The following RBFOX2 variants were observed in gnomAD, a reference collection of about 807,000 sequenced individuals.
RBFOX2 encodes RNA binding protein fox-1 homolog 2.
RBFOX2 carries 10 observed loss-of-function variants against 49.1 expected under a neutral mutation model. The observed-to-expected ratio is 0.20, with a 90% CI of 0.13 to 0.35. The LOEUF is 0.35. Ranked by LOEUF, RBFOX2 falls within the 10% of genes least tolerant of loss-of-function variation. The probability of loss-of-function intolerance (pLI) is 1.00; values close to 1 mark genes in which losing one functional copy is unlikely to be tolerated. For synonymous variants in RBFOX2, 183 were observed against 187.4 expected, an observed-to-expected ratio of 0.98 and a Z score of 0.19; for missense variants, 323 against 486.9, an observed-to-expected ratio of 0.66 and a Z score of 3.17.
At chr22:35,846,028 C>T (rs993505814) in intron 1 of RBFOX2, among the ~76,000 whole-genome samples, 7 of 150,506 alleles carry the variant, frequency 4.7e-5, no homozygotes, top group Non-Finnish European at 8.9e-5. Context: ...ATTATATAAA[C>T]TATATAAGTA....
At chr22:36,004,631 A>G (rs1373274150) in intron 1 of RBFOX2, among the ~76,000 whole-genome samples, 1 of 152,140 alleles carries the variant, frequency 6.6e-6, no homozygotes, top group Admixed American at 6.6e-5. Context: ...CCCCATCTCT[A>G]CTAAAAACAT....
intron 1 of RBFOX2, among the ~76,000 whole-genome samples, chr22:35,900,566 G>A (rs1201196655): frequency 2.0e-5 from 3 of 149,538 alleles, no homozygotes; most frequent in Non-Finnish European, 4.4e-5. Context: ...GAAATGAGAT[G>A]TATGAGTATT....
intron 1 of RBFOX2, among the ~76,000 whole-genome samples, chr22:36,020,426 C>A (rs2059199546): frequency 6.6e-6 from 1 of 152,140 alleles, no homozygotes; most frequent in African/African-American, 2.4e-5. Context: ...AGAGCTTCTG[C>A]ACAGCAAAAG....
At chr22:35,764,445 G>A (rs1334879854) in intron 6 of RBFOX2, among the ~76,000 whole-genome samples, 5 of 151,990 alleles carry the variant, frequency 3.3e-5, no homozygotes, top group African/African-American at 9.7e-5. Flanking sequence ...TTAGCCAGGT[G>A]TGGTGGCGGG....
rs781493435 is a variant in RBFOX2, at chr22:35,872,312, G to C, written c.-33-62308C>G. 1.1e-3 allele frequency among the ~76,000 whole-genome samples: 162 copies of C among 152,184 alleles called. 3 individuals are homozygous for C. The highest frequency in any genetic ancestry group is 1.8e-4 in the Non-Finnish European group (12 of 68,046). ...ACCCCATGACAGTGTCTAGGGGTGAGAGTTTACAGCTCCTGAAGCCCCAGT... is the reference window on the plus strand; with the variant it reads ...ACCCCATGACAGTGTCTAGGGGTGACAGTTTACAGCTCCTGAAGCCCCAGT... On this transcript the variant is annotated intron_variant, in intron 1 of 13. Transcript: ENST00000359369.
chr22:35,912,802 G>T (rs1408321334), intron 1 of RBFOX2, among the ~76,000 whole-genome samples: 1 of 152,168 alleles, frequency 6.6e-6, no homozygotes, highest in Non-Finnish European at 1.5e-5. Context: ...CCCAGAGGCA[G>T]CATGGCATTG....
At chr22:35,834,695 C>T (rs527593452) in intron 1 of RBFOX2, among the ~76,000 whole-genome samples, 1 of 152,062 alleles carries the variant, frequency 6.6e-6, no homozygotes, top group South Asian at 2.1e-4. Context: ...GGGTCCTGAG[C>T]AGGAGGGTCT....
intron 1 of RBFOX2, among the ~76,000 whole-genome samples, chr22:35,874,549 G>C (rs561189974): frequency 2.0e-5 from 3 of 152,132 alleles, no homozygotes; most frequent in African/African-American, 7.2e-5. Context: ...ATCTTAGGGA[G>C]GGAAGAAAAT....
chr22:35,985,650 C>G (rs2057674760), intron 1 of RBFOX2, among the ~76,000 whole-genome samples: 1 of 152,206 alleles, frequency 6.6e-6, no homozygotes, highest in Admixed American at 6.5e-5. Flanking sequence ...TTTGCAACCT[C>G]TTGACTAGAT....
intron 1 of RBFOX2, among the ~76,000 whole-genome samples, chr22:35,881,691 T>C (rs1306018050): frequency 6.6e-6 from 1 of 152,126 alleles, no homozygotes; most frequent in East Asian, 1.9e-4. Context: ...CCGGGCACAG[T>C]GGCTCACACC....
intron 1 of RBFOX2, among the ~76,000 whole-genome samples, chr22:36,000,703 T>G (rs1430089905): frequency 1.3e-5 from 2 of 152,140 alleles, no homozygotes; most frequent in East Asian, 3.9e-4. Context: ...GTTCTCAGTA[T>G]CTACCTCCCA....
chr22:35,924,207 CGT>C (rs2051356774), intron 1 of RBFOX2, among the ~76,000 whole-genome samples: 3 of 152,252 alleles, frequency 2.0e-5, no homozygotes, highest in Admixed American at 2.0e-4. Context: ...CATGCCGAGA[CGT>C]GTGTTACTCT....
chr22:35,986,540 C>CA (rs1206696994), intron 1 of RBFOX2, among the ~76,000 whole-genome samples: 2 of 152,092 alleles, frequency 1.3e-5, no homozygotes, highest in African/African-American at 4.8e-5. Flanking sequence ...CATAAAAGAC[C>CA]AAACTTGAAA....
At chr22:35,792,153 C>T (rs564592977) in intron 2 of RBFOX2, among the ~76,000 whole-genome samples, 52 of 151,588 alleles carry the variant, frequency 3.4e-4, no homozygotes, top group Non-Finnish European at 5.3e-4. Context: ...TCTGTCTCTA[C>T]TAAAAATACA....
chr22:35,964,822 T>A (rs372786090), upstream of RBFOX2, among the ~76,000 whole-genome samples: 1 of 152,238 alleles, frequency 6.6e-6, no homozygotes, highest in African/African-American at 2.4e-5. Flanking sequence ...ATACACCCTG[T>A]TGTAAACATA....
chr22:35,828,183 CAG>C (rs1479214956), intron 1 of RBFOX2, among the ~76,000 whole-genome samples: 3 of 144,642 alleles, frequency 2.1e-5, no homozygotes, highest in Non-Finnish European at 3.0e-5. Context: ...AAAAAAGAAA[CAG>C]ATTTTTCTTT....
At chr22:35,998,396 G>A (rs2058276004) in intron 1 of RBFOX2, 1 of 151,416 alleles carries the variant, frequency 6.6e-6, no homozygotes, top group Non-Finnish European at 1.5e-5. Flanking sequence ...TTTTTTTTGA[G>A]ACGGAGTTTC....
At chr22:35,768,851 A>T (rs535901199) in intron 4 of RBFOX2, among the ~76,000 whole-genome samples, 2 of 152,328 alleles carry the variant, frequency 1.3e-5, no homozygotes, top group Non-Finnish European at 2.9e-5. Context: ...GATTTTTTTT[A>T]AAGTAGGTCT....
chr22:35,879,723 A>G (rs1603432158), intron 1 of RBFOX2, among the ~76,000 whole-genome samples: 1 of 152,240 alleles, frequency 6.6e-6, no homozygotes, highest in East Asian at 1.9e-4. Context: ...GATCAGATTT[A>G]TATTTTCAAA....
Sources: gnomAD v4.1 joint callset for allele counts (sites outside exome capture counted in the v4.1 genomes callset) on GRCh38, gnomAD v4.1.1 for gene constraint, MANE v1.5 for transcripts, NCBI Gene and HGNC (gene_info 2026-07-23, HGNC 2026-07-21) for gene names.